The following CEP192 variants were observed in gnomAD, a reference collection of about 807,000 sequenced individuals.
CEP192 encodes centrosomal protein 192.
CEP192 carries 151 observed loss-of-function variants against 271.8 expected under a neutral mutation model. The observed-to-expected ratio is 0.56, with a 90% CI of 0.49 to 0.64. The LOEUF is 0.64. Among genes scored for constraint, CEP192 ranks in the 30% least tolerant of loss-of-function variants. CEP192 has a pLI of 0.00. For synonymous variants in CEP192, 995 were observed against 1,076.5 expected, an observed-to-expected ratio of 0.92 and a Z score of 1.48; for missense variants, 2,910 against 3,020.5, an observed-to-expected ratio of 0.96 and a Z score of 0.86.
intron 11 of CEP192, among the ~76,000 whole-genome samples, chr18:13,033,965 T>C (rs560382194): frequency 6.6e-6 from 1 of 152,062 alleles, no homozygotes; most frequent in African/African-American, 2.4e-5. Context: ...ATTTCAGAAA[T>C]ATTTTAGCTG....
intron 44 of CEP192, among the ~76,000 whole-genome samples, chr18:13,123,171 G>A (rs2040752415): frequency 2.6e-5 from 4 of 151,922 alleles, no homozygotes. Context: ...TCTTAAATAG[G>A]CAAATGGTAC....
At chr18:13,033,144 A>C (rs1157552085) in intron 11 of CEP192, among the ~76,000 whole-genome samples, 1 of 152,198 alleles carries the variant, frequency 6.6e-6, no homozygotes, top group African/African-American at 2.4e-5. Context: ...TCTCTATCGT[A>C]AAAAGTTTTT....
chr18:13,057,833 A>G (rs570072757), intron 20 of CEP192, 100 bp downstream of exon 20: 334 of 1,050,068 alleles, frequency 3.2e-4, no homozygotes, highest in South Asian at 5.4e-4. Flanking sequence ...TCACGCCTTT[A>G]TTAATGCACA....
At chr18:13,019,516 T>C (rs2034864801) in intron 9 of CEP192, among the ~76,000 whole-genome samples, 1 of 152,196 alleles carries the variant, frequency 6.6e-6, no homozygotes, top group African/African-American at 2.4e-5. Context: ...TTGTTTTTCA[T>C]TGTTTCAGTT....
intron 21 of CEP192, among the ~76,000 whole-genome samples, chr18:13,065,807 A>C (rs185694696): frequency 5.1e-4 from 78 of 152,348 alleles, no homozygotes; most frequent in African/African-American, 1.4e-3. Flanking sequence ...GAGATTCTGC[A>C]ACAAACTGGG....
intron 33 of CEP192, among the ~76,000 whole-genome samples, chr18:13,090,986 G>T (rs1031996245): frequency 6.6e-6 from 1 of 152,224 alleles, no homozygotes; most frequent in Non-Finnish European, 1.5e-5. Context: ...TAGGTCTATG[G>T]ACACTGGATG....
chr18:13,036,781 T>A (rs9950455), intron 11 of CEP192, among the ~76,000 whole-genome samples: 5,924 of 152,268 alleles, frequency 0.039, 359 homozygotes, highest in African/African-American at 0.13. Flanking sequence ...ATTAGGGGAC[T>A]CCCAGTCTTT....
chr18:13,028,785 G>C (rs2035452935), intron 9 of CEP192, among the ~76,000 whole-genome samples: 1 of 152,214 alleles, frequency 6.6e-6, no homozygotes, highest in Non-Finnish European at 1.5e-5. Flanking sequence ...CTCCCAAAGT[G>C]CTGGGATTAC....
In CEP192 at chr18:13,030,485, G is replaced by A; in HGVS notation, c.1411G>A (p.Val471Met). 6.2e-7 allele frequency: 1 copy of A among 1,609,846 alleles called. No individual in the cohort carries two copies. The highest frequency in any genetic ancestry group is 2.2e-5 in the East Asian group (1 of 44,814). Residue 471 changes from valine to methionine, a missense_variant, in exon 11 of 45, where the codon GTG (valine) becomes ATG (methionine). Val to Met is a conservative substitution (Grantham distance 21, BLOSUM62 1). Coordinates refer to ENST00000506447, the MANE Select transcript of CEP192 (RefSeq NM_032142.4). Reference sequence around the variant, plus strand: ...TTTAGAAACAGATCTCCCACAGAGTGTGGTCTATCAAAATGAAGAGGGTAG... The same window carrying A: ...TTTAGAAACAGATCTCCCACAGAGTATGGTCTATCAAAATGAAGAGGGTAG... ...NKDKTDLPQSVVYQNEEGRWV... is the reference protein window; with the variant it reads ...NKDKTDLPQSMVYQNEEGRWV...
At chr18:13,037,138 C>A in intron 11 of CEP192, 99 bp from the exon 12 acceptor site, 1 of 636,712 alleles carries the variant, frequency 1.6e-6, no homozygotes, top group Non-Finnish European at 2.8e-6. Flanking sequence ...CTTGTTACAA[C>A]TTTATTTCCT....
intron 15 of CEP192, among the ~76,000 whole-genome samples, chr18:13,044,022 T>G (rs1316903721): frequency 1.3e-5 from 2 of 152,166 alleles, no homozygotes; most frequent in East Asian, 3.8e-4. Flanking sequence ...TTATATACTC[T>G]TAGTTATTTG....
chr18:13,015,273 A>G (rs958561275), intron 5 of CEP192, 55 bp from the exon 6 acceptor site: 5 of 1,517,110 alleles, frequency 3.3e-6, no homozygotes, highest in Admixed American at 2.2e-5. Flanking sequence ...GCCTTGTACT[A>G]TGCTCTTCAG....
Position 13,087,067 on chromosome 18 carries a change from T to A in CEP192, c.5667T>A (p.Val1889=), listed in dbSNP as rs143464199. 7 of 1,613,132 alleles carry A rather than the reference T, an allele frequency of 4.3e-6. No individual in the cohort carries two copies. The Admixed American group carries it at 6.7e-5, about 15-fold the overall frequency. The change falls in exon 31 of 45, where the codon GTT becomes GTA. Residue 1889 remains valine (V), a synonymous_variant. Transcript: ENST00000506447. ...CAAGCAATCTTATTTTGGAAGGCGT[T>A]AAAAAATTATCTGACAGTTACATGG... is the stretch of plus-strand genomic sequence containing the variant. The part of the protein sequence containing the change: ...GGTSNLILEG[V]KKLSDSYMVT...
rs760966819 is a variant in CEP192, at chr18:13,056,111, G to T, written c.3521G>T (p.Gly1174Val). 6.2e-7 allele frequency: 1 copy of T among 1,613,220 alleles called. No individual in the cohort carries two copies. The highest frequency in any genetic ancestry group is 8.5e-7 in the Non-Finnish European group (1 of 1,179,486). ...PIRLALLGKS[G>V]LSCQVGSATS... ...AGGCTGGCTCTCCTGGGCAAGTCAG[G>T]TCTGAGCTGTCAGGTGGGGTCAGCC... The change falls in exon 19 of 45, where the codon GGT (glycine) becomes GTT (valine). Residue 1174 changes from glycine to valine, a missense_variant. Gly to Val is a moderately radical substitution (Grantham distance 109, BLOSUM62 -3). Coordinates refer to ENST00000506447, the MANE Select transcript of CEP192 (RefSeq NM_032142.4).
intron 40 of CEP192, among the ~76,000 whole-genome samples, chr18:13,110,021 C>T (rs920087054): frequency 2.0e-5 from 3 of 152,138 alleles, no homozygotes; most frequent in African/African-American, 7.2e-5. Flanking sequence ...ATGGGTTGTC[C>T]TGAGAATTTA....
At position 13,037,256 on chromosome 18, in the gene CEP192, T is replaced by G. The variant is rs936746944; in HGVS notation, c.1554T>G (p.Ile518Met). The change falls in exon 12 of 45, where the codon ATT becomes ATG. Residue 518 changes from isoleucine (I) to methionine (M), a missense_variant. By Grantham distance (10) the Ile-to-Met change is conservative. Coordinates refer to ENST00000506447, the MANE Select transcript of CEP192 (RefSeq NM_032142.4). ...TTTAAGCTGAAGCATTTGATTTGAT[T>G]GCACAAGATGAAGAAGAATTTAATA... The part of the protein sequence containing the change: ...FRSGSEAFDL[I>M]AQDEEEFNKE... 20 of 1,328,680 alleles carry G rather than the reference T, an allele frequency of 1.5e-5. No individual in the cohort carries two copies. The highest frequency in any genetic ancestry group is 1.9e-5 in the Non-Finnish European group (18 of 947,032). The allele number at this position is 1,328,680 out of a possible 1,614,324, so 82.3% of individuals were successfully genotyped here.
intron 17 of CEP192, 82 bp downstream of exon 17, chr18:13,049,973 A>AT: frequency 8.6e-7 from 1 of 1,167,800 alleles, no homozygotes; most frequent in Non-Finnish European, 1.2e-6. Flanking sequence ...AAGAAGAAAA[A>AT]TTATCTGTGC....
At chr18:13,121,683 C>G (rs1204156518) in intron 44 of CEP192, among the ~76,000 whole-genome samples, 1 of 152,170 alleles carries the variant, frequency 6.6e-6, no homozygotes, top group African/African-American at 2.4e-5. Flanking sequence ...GCATCTTTCT[C>G]TTAACCTATT....
intron 30 of CEP192, among the ~76,000 whole-genome samples, chr18:13,082,102 C>G (rs1372562400): frequency 6.6e-6 from 1 of 152,250 alleles, no homozygotes; most frequent in Admixed American, 6.5e-5. Context: ...GTGGAGAGTT[C>G]TGTAGATGTC....
Sources: gnomAD v4.1 joint callset for allele counts (sites outside exome capture counted in the v4.1 genomes callset) on GRCh38, gnomAD v4.1.1 for gene constraint, MANE v1.5 for transcripts, NCBI Gene and HGNC (gene_info 2026-07-23, HGNC 2026-07-21) for gene names.